ATXN8OS: variants seen among roughly 807,000 people sequenced by gnomAD.
ATXN8OS encodes the protein ATXN8 opposite strand (non-protein coding).
At chr13:70,126,641 GTAGA>G (rs1046897633) in intron 2 of ATXN8OS, among the ~76,000 whole-genome samples, 6 of 150,706 alleles carry the variant, frequency 4.0e-5, no homozygotes, top group African/African-American at 4.9e-5. Context: ...ACATGGGCAG[GTAGA>G]TAGATATATC....
chr13:70,139,380 A>ACTGCTACTG lies in ATXN8OS; in HGVS notation n.500-7973_500-7972insGCTACTGCT, dbSNP rs752810956. 1.9e-5 allele frequency: 11 copies of ACTGCTACTG among 576,716 alleles called. 1 individual carries two copies. Among genetic ancestry groups the ACTGCTACTG allele is most frequent in the South Asian group, 6.6e-5 (3 of 45,576 alleles). The allele number at this position is 576,716 out of a possible 1,614,324, so 35.7% of individuals were successfully genotyped here. ...TACTACTACTACTACTACTACTACTACTACTGCTGCTGCTGCTGCTGCTGC... is the reference window on the plus strand; with the variant it reads ...TACTACTACTACTACTACTACTACTACTGCTACTGCTACTGCTGCTGCTGCTGCTGCTGC... On this transcript the variant is annotated intron_variant and non_coding_transcript_variant, in intron 3 of 4. Transcript: ENST00000678624.
chr13:70,109,848 CA>C (rs765182651), intron 1 of ATXN8OS, among the ~76,000 whole-genome samples: 2 of 152,024 alleles, frequency 1.3e-5, no homozygotes, highest in Non-Finnish European at 2.9e-5. Flanking sequence ...AACTTTCCAT[CA>C]GAAATAATGT....
chr13:70,143,910 A>C (rs886936138), intron 3 of ATXN8OS, among the ~76,000 whole-genome samples: 9 of 152,146 alleles, frequency 5.9e-5, no homozygotes, highest in African/African-American at 2.2e-4. Flanking sequence ...TATATTGAGA[A>C]GATTAAAATA....
At chr13:70,160,939 A>T (rs913611390) in intron 4 of ATXN8OS, among the ~76,000 whole-genome samples, 20 of 150,678 alleles carry the variant, frequency 1.3e-4, no homozygotes, top group African/African-American at 4.9e-4. Flanking sequence ...CTTAACTTTC[A>T]GGTGGACCGA....
At chr13:70,134,163 T>C (rs528456886) in intron 3 of ATXN8OS, among the ~76,000 whole-genome samples, 197 of 152,228 alleles carry the variant, frequency 1.3e-3, no homozygotes, top group Non-Finnish European at 2.3e-3. Flanking sequence ...GACCAACAGG[T>C]AAATAACAGG....
intron 3 of ATXN8OS, among the ~76,000 whole-genome samples, chr13:70,134,513 C>T (rs1371611489): frequency 6.6e-6 from 1 of 152,290 alleles, no homozygotes; most frequent in East Asian, 1.9e-4. Flanking sequence ...GCACTGGTTA[C>T]CATGCCAGGG....
chr13:70,170,495 C>T (rs374131449), exon 5 of ATXN8OS, among the ~76,000 whole-genome samples: 1 of 152,138 alleles, frequency 6.6e-6, no homozygotes, highest in African/African-American at 2.4e-5. Flanking sequence ...AAAGGAAACA[C>T]ATAAATTAGA....
At chr13:70,125,373 A>T (rs1229339152) in intron 2 of ATXN8OS, among the ~76,000 whole-genome samples, 1 of 152,104 alleles carries the variant, frequency 6.6e-6, no homozygotes. Context: ...AGATACAAAC[A>T]TATTTATGTG....
exon 5 of ATXN8OS, among the ~76,000 whole-genome samples, chr13:70,171,652 C>A (rs930526400): frequency 3.3e-5 from 5 of 151,992 alleles, no homozygotes; most frequent in African/African-American, 1.2e-4. Context: ...GTGATGTGAA[C>A]GATGACTGTA....
At chr13:70,121,672 C>T (rs1003424989) in intron 2 of ATXN8OS, among the ~76,000 whole-genome samples, 1 of 152,046 alleles carries the variant, frequency 6.6e-6, no homozygotes, top group African/African-American at 2.4e-5. Context: ...ATTGATATTT[C>T]ATAAATAGAT....
intron 1 of ATXN8OS, among the ~76,000 whole-genome samples, chr13:70,109,565 T>G (rs1888165836): frequency 6.6e-6 from 1 of 152,172 alleles, no homozygotes; most frequent in Non-Finnish European, 1.5e-5. Flanking sequence ...AGAAATTAAG[T>G]GCACAAAAGA....
At position 70,167,738 on chromosome 13, in the gene ATXN8OS, T is replaced by TTTTC. The variant is rs1555302461; in HGVS notation, n.574-2012_574-2011insCTTT. Among the ~76,000 whole-genome samples the TTTTC allele has an allele frequency of 5.8e-4, 56 of 96,070 alleles. 3 individuals are homozygous for TTTTC. In the South Asian group the frequency reaches 7.9e-3, roughly 14 times the overall value. The allele number at this position is 96,070 out of a possible 152,430, so 63.0% of individuals were successfully genotyped here. On this transcript the variant is annotated intron_variant and non_coding_transcript_variant, in intron 4 of 4. Transcript: ENST00000678624. ...TATGTAACTTCTTTTTTTTTTTTTT[T>TTTTC]TTTTTTTTTTTGAGACAGACAGAGT...
intron 1 of ATXN8OS, among the ~76,000 whole-genome samples, chr13:70,112,525 A>G (rs1308062255): frequency 6.6e-6 from 1 of 152,120 alleles, no homozygotes; most frequent in Non-Finnish European, 1.5e-5. Flanking sequence ...TTCATGGTCT[A>G]TTAATCTTCA....
intron 3 of ATXN8OS, among the ~76,000 whole-genome samples, chr13:70,138,857 A>G (rs908122444): frequency 2.0e-5 from 3 of 152,114 alleles, no homozygotes; most frequent in Non-Finnish European, 2.9e-5. Context: ...AATTTAAATA[A>G]TTTATACCAA....
intron 4 of ATXN8OS, among the ~76,000 whole-genome samples, chr13:70,157,279 A>G (rs1020473182): frequency 3.3e-5 from 5 of 152,164 alleles, no homozygotes; most frequent in African/African-American, 1.2e-4. Flanking sequence ...GTCTCAAGAA[A>G]CAGTTTTGAC....
At chr13:70,160,519 T>C (rs1219490962) in intron 4 of ATXN8OS, among the ~76,000 whole-genome samples, 1 of 151,650 alleles carries the variant, frequency 6.6e-6, no homozygotes, top group Non-Finnish European at 1.5e-5. Context: ...ATAAAGTTTC[T>C]TAGTGTTTTA....
chr13:70,107,998 G>A (rs1022378081), exon 1 of ATXN8OS: 2 of 447,578 alleles, frequency 4.5e-6, no homozygotes, highest in Non-Finnish European at 7.9e-6. Flanking sequence ...ATGCCCGCGC[G>A]AGAGCCCCGT....
intron 4 of ATXN8OS, among the ~76,000 whole-genome samples, chr13:70,160,055 A>G (rs921300184): frequency 1.3e-4 from 20 of 152,146 alleles, no homozygotes; most frequent in African/African-American, 4.8e-4. Flanking sequence ...TATTAGTGGG[A>G]TTGCTGGGTC....
intron 3 of ATXN8OS, among the ~76,000 whole-genome samples, chr13:70,143,341 T>C (rs998217023): frequency 2.0e-5 from 3 of 152,114 alleles, no homozygotes; most frequent in African/African-American, 7.2e-5. Context: ...AATTTACCTA[T>C]TGATGATGAT....
Sources: gnomAD v4.1 joint callset for allele counts (sites outside exome capture counted in the v4.1 genomes callset) on GRCh38, gnomAD v4.1.1 for gene constraint, MANE v1.5 for transcripts, NCBI Gene and HGNC (gene_info 2026-07-23, HGNC 2026-07-21) for gene names.